Variants in ZNF423 observed in about 807,000 individuals in gnomAD.
The protein encoded by ZNF423 is Ebf-associated zinc finger protein.
Under a neutral mutation model 95.8 loss-of-function variants are expected in ZNF423, and 12 were observed. The ratio of observed to expected loss-of-function variants is 0.13; its 90% confidence interval spans 0.08 to 0.20. The LOEUF (loss-of-function observed/expected upper bound fraction) is 0.20, where lower values mean the gene tolerates loss of function less well. ZNF423 is among the 10% of genes least tolerant of loss of function. ZNF423 has a pLI of 1.00. For synonymous variants in ZNF423, 749 were observed against 711.9 expected (o/e 1.05, Z -0.83); for missense variants, 1,316 against 1,737.1 (o/e 0.76, Z 4.31).
chr16:49,731,266 T>C (rs1463782442), intron 2 of ZNF423: 1 of 969,476 alleles, frequency 1.0e-6, no homozygotes, highest in Non-Finnish European at 1.2e-6. Context: ...AAAACCTTAT[T>C]TGTCTCCTAA....
chr16:49,716,420 C>A (rs2032708171), intron 3 of ZNF423, among the ~76,000 whole-genome samples: 1 of 152,152 alleles, frequency 6.6e-6, no homozygotes, highest in Non-Finnish European at 1.5e-5. Context: ...TGCCATTCCC[C>A]CACCTGCAGA....
chr16:49,623,403 T>C (rs949351487), intron 5 of ZNF423, among the ~76,000 whole-genome samples: 2 of 152,124 alleles, frequency 1.3e-5, no homozygotes, highest in Non-Finnish European at 2.9e-5. Flanking sequence ...TGAGGACACA[T>C]AGCTTCCAGG....
chr16:49,588,308 T>C (rs376055369), intron 5 of ZNF423, among the ~76,000 whole-genome samples: 1 of 152,274 alleles, frequency 6.6e-6, no homozygotes, highest in South Asian at 2.1e-4. Flanking sequence ...GATGAACATC[T>C]TCCTCCCAGG....
chr16:49,734,000 C>T (rs1406649636), intron 2 of ZNF423, among the ~76,000 whole-genome samples: 2 of 151,998 alleles, frequency 1.3e-5, no homozygotes, highest in East Asian at 3.9e-4. Flanking sequence ...ATGCCAGGAT[C>T]GAATCTACAC....
intron 3 of ZNF423, among the ~76,000 whole-genome samples, chr16:49,655,741 A>G (rs1391158509): frequency 6.6e-6 from 1 of 152,210 alleles, no homozygotes; most frequent in Non-Finnish European, 1.5e-5. Context: ...ATGGACCTCA[A>G]CATGCTGAAC....
In ZNF423 at chr16:49,637,320, T is replaced by C. The variant is rs114911915; in HGVS notation, c.1856A>G (p.Glu619Gly). 6.2e-7 allele frequency: 1 copy of C among 1,614,194 alleles called. No homozygotes were observed. The highest frequency in any genetic ancestry group is 1.3e-5 in the African/African-American group (1 of 75,060). The change falls in exon 4 of 8, where the codon GAG becomes GGG. Residue 619 changes from glutamate to glycine, a missense_variant. By Grantham distance (98) the Glu-to-Gly change is moderately conservative. This residue lies in a region of ZNF423 where 620 missense variants were observed against 775.6 expected (regional missense o/e 0.80). Coordinates refer to ENST00000563137, the MANE Select transcript of ZNF423 (RefSeq NM_001379286.1). This position sits in a 1 kb window ranked among gnomAD's most constrained non-coding sequence, Gnocchi z 5.6. Reference protein sequence around the residue: ...AEQSPVSSDVEVSSPKRQRLS... With the variant: ...AEQSPVSSDVGVSSPKRQRLS... ...CCGCTGCCGCTTCGGGGAAGACACC[T>C]CCACATCGGACGAGACTGGGCTCTG...
In ZNF423 at chr16:49,753,802, G is replaced by A. The variant is rs377278905; in HGVS notation, c.101-22831C>T. On this transcript the variant is annotated intron_variant, in intron 2 of 7. Transcript: ENST00000563137. Reference sequence around the variant, plus strand: ...TCCCAGCACTTTGGGAGGCCAAGGCGGGCGGATCACCTGAGGTCAGGAGTT... The same window carrying A: ...TCCCAGCACTTTGGGAGGCCAAGGCAGGCGGATCACCTGAGGTCAGGAGTT... 6.6e-5 allele frequency among the ~76,000 whole-genome samples: 10 copies of A among 152,190 alleles called. 1 individual carries two copies. The South Asian group carries it at 1.2e-3, about 19-fold the overall frequency.
At chr16:49,665,444 G>A (rs1158774921) in intron 3 of ZNF423, among the ~76,000 whole-genome samples, 1 of 152,202 alleles carries the variant, frequency 6.6e-6, no homozygotes, top group African/African-American at 2.4e-5. Flanking sequence ...GAGAACAGGG[G>A]CGCAGTAAGG....
chr16:49,680,672 A>G (rs1163607814), intron 3 of ZNF423, among the ~76,000 whole-genome samples: 1 of 152,170 alleles, frequency 6.6e-6, no homozygotes, highest in African/African-American at 2.4e-5. Context: ...GAACCAGCAC[A>G]TGGAGCTGCC....
chr16:49,674,815 TAC>T (rs2030976867), intron 3 of ZNF423, among the ~76,000 whole-genome samples: 1 of 152,146 alleles, frequency 6.6e-6, no homozygotes, highest in South Asian at 2.1e-4. Context: ...CTTCGGTGAC[TAC>T]AGTTTGTGAG....
In ZNF423 at chr16:49,787,121, T is replaced by G. The variant is rs111612524; in HGVS notation, c.100+2366A>C. ...GCACTAAGTAAGTGCTCAATAAATGTGACATCGCCCACGTCCAGGGCTACC... is the reference window on the plus strand; with the variant it reads ...GCACTAAGTAAGTGCTCAATAAATGGGACATCGCCCACGTCCAGGGCTACC... On this transcript the variant is annotated intron_variant, in intron 2 of 7. Coordinates refer to ENST00000563137, the MANE Select transcript of ZNF423 (RefSeq NM_001379286.1). 2.9e-3 allele frequency among the ~76,000 whole-genome samples: 448 copies of G among 152,218 alleles called. 1 individual carries two copies. The highest frequency in any genetic ancestry group is 0.01 in the African/African-American group (428 of 41,546).
At chr16:49,704,062 G>A (rs1046819695) in intron 3 of ZNF423, among the ~76,000 whole-genome samples, 1 of 152,158 alleles carries the variant, frequency 6.6e-6, no homozygotes, top group Non-Finnish European at 1.5e-5. Context: ...AGAGAACCCT[G>A]TTCTTCAAAG....
intron 2 of ZNF423, among the ~76,000 whole-genome samples, chr16:49,739,916 T>C (rs1274598044): frequency 6.6e-6 from 1 of 151,974 alleles, no homozygotes; most frequent in African/African-American, 2.4e-5. Context: ...TGGAGTGTAG[T>C]GGCACAATCT....
At chr16:49,525,659 C>T (rs1180678421) in intron 5 of ZNF423, among the ~76,000 whole-genome samples, 165 bp from the exon 6 acceptor site, 1 of 152,090 alleles carries the variant, frequency 6.6e-6, no homozygotes, top group Admixed American at 6.6e-5. Context: ...TCCACATGGC[C>T]TCACCCCTAG....
intron 1 of ZNF423, among the ~76,000 whole-genome samples, chr16:49,839,709 G>C (rs756051067): frequency 2.4e-4 from 36 of 152,168 alleles, no homozygotes; most frequent in Non-Finnish European, 4.6e-4. Context: ...CACCCAGCCT[G>C]CTGGCTGAAG....
At chr16:49,858,929 G>A (rs1463181216), upstream of ZNF423, among the ~76,000 whole-genome samples, 1 of 152,148 alleles carries the variant, frequency 6.6e-6, no homozygotes, top group East Asian at 1.9e-4. This position sits in a 1 kb window ranked among gnomAD's most constrained non-coding sequence, Gnocchi z 4.3. Context: ...CGCTGGGGGA[G>A]GGGGACGATT....
rs200348697 is a variant in ZNF423 at position 49,824,084 on chromosome 16, A to AT, written c.40+31650dup. Among the ~76,000 whole-genome samples, 42 of 151,878 alleles carry AT rather than the reference A, an allele frequency of 2.8e-4. No homozygotes were observed. In the South Asian group the frequency reaches 8.6e-3, roughly 31 times the overall value. On this transcript the variant is annotated intron_variant, in intron 1 of 7. Coordinates refer to ENST00000563137, the MANE Select transcript of ZNF423 (RefSeq NM_001379286.1). Reference sequence around the variant, plus strand: ...ACAGAGTGATAACATCTCAAAAAAAATTTTTTTTTAATCCAAAAGGGTAGT... The same window carrying AT: ...ACAGAGTGATAACATCTCAAAAAAAATTTTTTTTTTAATCCAAAAGGGTAGT...
intron 4 of ZNF423, among the ~76,000 whole-genome samples, chr16:49,627,874 C>G (rs1972354492): frequency 6.6e-6 from 1 of 150,790 alleles, no homozygotes; most frequent in Non-Finnish European, 1.5e-5. Context: ...ATCCATCCTC[C>G]ATCTACCCAT....
intron 3 of ZNF423, among the ~76,000 whole-genome samples, chr16:49,696,013 G>C (rs1050705542): frequency 6.6e-6 from 1 of 152,180 alleles, no homozygotes; most frequent in African/African-American, 2.4e-5. Flanking sequence ...AAGTCTGCAA[G>C]TGCTAGGGCC....
Sources: gnomAD v4.1 joint callset for allele counts (sites outside exome capture counted in the v4.1 genomes callset) on GRCh38, gnomAD v4.1.1 for gene constraint, gnomAD v4.1.1 regional missense constraint, Gnocchi (gnomAD v3.1) non-coding constraint, MANE v1.5 for transcripts, NCBI Gene and HGNC (gene_info 2026-07-23, HGNC 2026-07-21) for gene names.